The following RGS22 variants were observed in gnomAD, a reference collection of about 807,000 sequenced individuals.
RGS22 encodes the protein regulator of G protein signaling 22.
RGS22 carries 148 observed loss-of-function variants against 172.9 expected under a neutral mutation model. The observed-to-expected ratio is 0.86, with a 90% CI of 0.75 to 0.98. The LOEUF (loss-of-function observed/expected upper bound fraction) is 0.98, where lower values mean the gene tolerates loss of function less well. RGS22 is among the 50% of genes least tolerant of loss of function. The pLI, the probability that RGS22 is intolerant of heterozygous loss-of-function variation, is 0.00. For synonymous variants in RGS22, 458 were observed against 480.2 expected (o/e 0.95, Z 0.60); for missense variants, 1,347 against 1,440.8 (o/e 0.93, Z 1.05).
chr8:99,962,329 T>A (rs1810289950), intron 27 of RGS22, 65 bp downstream of exon 27: 1 of 994,654 alleles, frequency 1.0e-6, no homozygotes, highest in African/African-American at 1.6e-5. Context: ...CATGCGTGCA[T>A]GTACATGAAT....
At chr8:100,052,224 T>C (rs1318264625) in intron 10 of RGS22, among the ~76,000 whole-genome samples, 7 of 108,934 alleles carry the variant, frequency 6.4e-5, no homozygotes, top group African/African-American at 3.0e-4. Flanking sequence ...AATATACACA[T>C]ATATATGTAT....
chr8:100,017,448 T>C (rs1817119154), intron 14 of RGS22, among the ~76,000 whole-genome samples: 1 of 152,130 alleles, frequency 6.6e-6, no homozygotes, highest in Non-Finnish European at 1.5e-5. Context: ...GTTAAGAGAG[T>C]AAGGATGAGA....
rs1038697980 is a variant in RGS22 at position 100,003,612 on chromosome 8, C to G, written c.2627+314G>C. The stretch of plus-strand genomic sequence containing the variant: ...ATTCCAGAAACAGTAATTAAAATAC[C>G]AGTCTAGAGAAATATAAAAGAAAGA... On this transcript the variant is annotated intron_variant, in intron 17 of 27. Transcript: ENST00000360863. Among the ~76,000 whole-genome samples, 3 of 151,196 alleles carry G rather than the reference C, an allele frequency of 2.0e-5. No individual in the cohort carries two copies. In the South Asian group the frequency reaches 6.3e-4, roughly 32 times the overall value.
intron 16 of RGS22, 137 bp downstream of exon 16, chr8:100,005,880 G>T: frequency 1.7e-6 from 1 of 580,420 alleles, no homozygotes; most frequent in South Asian, 2.4e-5. Context: ...AATGCAGCAT[G>T]CTAGGCAAAG....
intron 9 of RGS22, among the ~76,000 whole-genome samples, chr8:100,053,448 G>GGGAGGGAC (rs1821908364): frequency 7.2e-6 from 1 of 138,714 alleles, no homozygotes; most frequent in Admixed American, 7.3e-5. Context: ...AAGGAAGGAA[G>GGGAGGGAC]GGAGGGAGGG....
At chr8:100,032,159 A>C (rs985897919) in intron 14 of RGS22, among the ~76,000 whole-genome samples, 4 of 152,230 alleles carry the variant, frequency 2.6e-5, no homozygotes, top group Admixed American at 1.3e-4. Flanking sequence ...TCAAATTCAC[A>C]TATAACAATA....
At chr8:100,064,185 G>T in intron 7 of RGS22, 142 bp from the exon 8 acceptor site, 1 of 597,274 alleles carries the variant, frequency 1.7e-6, no homozygotes, top group Non-Finnish European at 2.6e-6. Context: ...GAAGGATTCT[G>T]GGCCAGTCAC....
At chr8:100,001,202 T>TATATATATATA (rs1554611096) in intron 18 of RGS22, among the ~76,000 whole-genome samples, 24 of 124,776 alleles carry the variant, frequency 1.9e-4, no homozygotes, top group African/African-American at 7.1e-4. Context: ...TCCCAATTTT[T>TATATATATATA]TATATATATA....
rs555451206 is a variant in RGS22, at chr8:100,087,737, T to C, written c.117+5710A>G. On this transcript the variant is annotated intron_variant, in intron 3 of 27. Transcript: ENST00000360863. ...AGTCAGTGAATGGAAAACATCTGACTACTTGAATGTAACAAGTCAGTTACC... is the reference window on the plus strand; with the variant it reads ...AGTCAGTGAATGGAAAACATCTGACCACTTGAATGTAACAAGTCAGTTACC... 2.6e-5 allele frequency among the ~76,000 whole-genome samples: 4 copies of C among 152,330 alleles called. No homozygotes were observed. The East Asian group carries it at 7.7e-4, about 29-fold the overall frequency.
At chr8:100,008,930 CT>C (rs902565513) in intron 14 of RGS22, among the ~76,000 whole-genome samples, 4 of 151,710 alleles carry the variant, frequency 2.6e-5, no homozygotes, top group African/African-American at 4.8e-5. Context: ...GCTTGAAATA[CT>C]TTTTTTTGGA....
At chr8:100,019,359 T>C (rs1817356043) in intron 14 of RGS22, among the ~76,000 whole-genome samples, 4 of 152,216 alleles carry the variant, frequency 2.6e-5, no homozygotes, top group African/African-American at 4.8e-5. Flanking sequence ...ACATACTTCG[T>C]TTTGATGTAT....
intron 23 of RGS22, among the ~76,000 whole-genome samples, chr8:99,968,315 T>A (rs1810974218): frequency 6.6e-6 from 1 of 152,070 alleles, no homozygotes; most frequent in African/African-American, 2.4e-5. Context: ...AAAACCAGAA[T>A]GCCTCTTCTC....
intron 14 of RGS22, among the ~76,000 whole-genome samples, chr8:100,012,561 G>A (rs1406990557): frequency 3.3e-5 from 5 of 152,070 alleles, no homozygotes; most frequent in Non-Finnish European, 7.4e-5. Context: ...CAGACTGGGT[G>A]ACAAGAGTGA....
At chr8:100,052,338 G>C (rs575183569) in intron 10 of RGS22, among the ~76,000 whole-genome samples, 1 of 142,876 alleles carries the variant, frequency 7.0e-6, no homozygotes, top group Non-Finnish European at 1.5e-5. Context: ...GTCTCGCTCT[G>C]TCCCCCAGGC....
intron 3 of RGS22, among the ~76,000 whole-genome samples, chr8:100,089,180 AAT>A (rs1214838187): frequency 1.3e-5 from 2 of 151,050 alleles, no homozygotes; most frequent in Non-Finnish European, 3.0e-5. Flanking sequence ...ATATATACAT[AAT>A]AGAGATACAC....
intron 3 of RGS22, among the ~76,000 whole-genome samples, chr8:100,092,663 T>C (rs1812671937): frequency 6.6e-6 from 1 of 152,190 alleles, no homozygotes; most frequent in African/African-American, 2.4e-5. Context: ...CCCCTTGATC[T>C]TGGACTTTTC....
intron 18 of RGS22, 101 bp from the exon 19 acceptor site, chr8:99,999,521 T>C: frequency 8.2e-7 from 1 of 1,221,250 alleles, no homozygotes; most frequent in Non-Finnish European, 1.1e-6. Flanking sequence ...TGCTGCACCC[T>C]GAGGGGTGCC....
At chr8:100,036,179 G>T (rs1039110606) in intron 14 of RGS22, among the ~76,000 whole-genome samples, 2 of 151,442 alleles carry the variant, frequency 1.3e-5, no homozygotes, top group Non-Finnish European at 1.5e-5. Flanking sequence ...ACTGTAGAAC[G>T]ATCTACAGTA....
intron 4 of RGS22, among the ~76,000 whole-genome samples, chr8:100,074,354 T>C (rs959241127): frequency 1.4e-4 from 22 of 152,250 alleles, no homozygotes; most frequent in African/African-American, 5.3e-4. Context: ...CATATAATCA[T>C]GTAACCAGGA....
Sources: gnomAD v4.1 joint callset for allele counts (sites outside exome capture counted in the v4.1 genomes callset) on GRCh38, gnomAD v4.1.1 for gene constraint, MANE v1.5 for transcripts, NCBI Gene and HGNC (gene_info 2026-07-23, HGNC 2026-07-21) for gene names.